HEPHL1: variants seen among roughly 807,000 people sequenced by gnomAD.
HEPHL1 encodes hephaestin like 1.
Under a neutral mutation model 122.0 loss-of-function variants are expected in HEPHL1, and 123 were observed. That is an observed-to-expected ratio of 1.01 (90% CI 0.87 to 1.17). The LOEUF is 1.17. HEPHL1 is among the 50% of genes most tolerant of loss of function. The pLI is 0.00. For missense variants in HEPHL1, 1,452 were observed against 1,430.5 expected (o/e 1.01, Z -0.24); for synonymous variants, 527 against 508.9 (o/e 1.04, Z -0.48).
intron 16 of HEPHL1, among the ~76,000 whole-genome samples, chr11:94,105,016 A>C (rs1390132651): frequency 1.3e-5 from 2 of 152,236 alleles, no homozygotes; most frequent in Admixed American, 6.5e-5. Flanking sequence ...CTGTAAAGTA[A>C]TTCTTTAAAA....
At chr11:94,067,370 A>G (rs1325223576) in intron 4 of HEPHL1, 126 bp from the exon 5 acceptor site, 6 of 862,760 alleles carry the variant, frequency 7.0e-6, no homozygotes, top group Non-Finnish European at 1.1e-5. Context: ...GTTTTTCTGC[A>G]CCAAAACCTT....
intron 13 of HEPHL1, among the ~76,000 whole-genome samples, chr11:94,094,442 A>T (rs1802270398): frequency 6.6e-6 from 1 of 152,206 alleles, no homozygotes; most frequent in South Asian, 2.1e-4. Flanking sequence ...TATTGTGAAT[A>T]GTGCCACAAT....
chr11:94,046,877 A>G lies in HEPHL1; in HGVS notation c.415+960A>G, dbSNP rs537545091. Among the ~76,000 whole-genome samples the G allele has an allele frequency of 1.2e-3, 177 of 152,290 alleles. 2 individuals carry two copies. Among genetic ancestry groups the G allele is most frequent in the Middle Eastern group, 6.8e-3 (2 of 294 alleles). On this transcript the variant is annotated intron_variant, in intron 2 of 19. Transcript: ENST00000315765. Reference sequence around the variant, plus strand: ...TAGGTTGAAAGGTGCTGTACCTGCTAGGTGACTGCTTCTAGGAAATGTGCC... The same window carrying G: ...TAGGTTGAAAGGTGCTGTACCTGCTGGGTGACTGCTTCTAGGAAATGTGCC...
In HEPHL1 at chr11:94,093,578, C is replaced by A; in HGVS notation, c.2372C>A (p.Thr791Lys). The change falls in exon 13 of 20, where the codon ACG (threonine) becomes AAG (lysine). Residue 791 changes from threonine (T) to lysine (K), a missense_variant. Physicochemically the swap from Thr to Lys is moderately conservative, Grantham distance 78 (BLOSUM62 -1). Coordinates refer to ENST00000315765, the MANE Select transcript of HEPHL1 (RefSeq NM_001098672.2). ...AAGAAGGTGGTTTACAGGGAATATA[C>A]GGATGGAGAATTTGTGGAGATCAAA... ...QYKKVVYREYTDGEFVEIKAR... is the reference protein window; with the variant it reads ...QYKKVVYREYKDGEFVEIKAR... The A allele has an allele frequency of 6.2e-7, 1 of 1,613,610 alleles. No individual in the cohort carries two copies. The highest frequency in any genetic ancestry group is 8.5e-7 in the Non-Finnish European group (1 of 1,179,802).
chr11:94,080,627 A>G (rs1946163181), intron 9 of HEPHL1, among the ~76,000 whole-genome samples: 2 of 152,216 alleles, frequency 1.3e-5, no homozygotes, highest in Non-Finnish European at 2.9e-5. Flanking sequence ...AAAAGTGGGC[A>G]AAAGACGTGA....
intron 12 of HEPHL1, among the ~76,000 whole-genome samples, chr11:94,089,356 A>C (rs1355219351): frequency 6.6e-6 from 1 of 152,190 alleles, no homozygotes; most frequent in African/African-American, 2.4e-5. Flanking sequence ...GCAGGACCTC[A>C]GGAAAGGTTG....
At chr11:94,093,116 G>A (rs912868375) in intron 12 of HEPHL1, among the ~76,000 whole-genome samples, 1 of 151,968 alleles carries the variant, frequency 6.6e-6, no homozygotes, top group African/African-American at 2.4e-5. Context: ...GTGTGTGTGT[G>A]TGTGTGTGTG....
At chr11:94,095,810 G>T (rs1946306906) in intron 13 of HEPHL1, among the ~76,000 whole-genome samples, 1 of 151,516 alleles carries the variant, frequency 6.6e-6, no homozygotes, top group South Asian at 2.1e-4. Context: ...TCATGATTTA[G>T]CTCTCTGTTT....
chr11:94,063,032 C>CA (rs1210090941), intron 2 of HEPHL1, among the ~76,000 whole-genome samples: 1 of 152,180 alleles, frequency 6.6e-6, no homozygotes, highest in African/African-American at 2.4e-5. Flanking sequence ...ATATGATCCC[C>CA]AGAGGCAGGA....
At chr11:94,084,335 T>TC (rs1159957874) in intron 10 of HEPHL1, among the ~76,000 whole-genome samples, 1 of 108,766 alleles carries the variant, frequency 9.2e-6, no homozygotes, top group Non-Finnish European at 1.8e-5. Context: ...CCTCTCTCTG[T>TC]TTAAATAAAT....
intron 1 of HEPHL1, among the ~76,000 whole-genome samples, chr11:94,027,453 C>T (rs150805231): frequency 6.6e-6 from 1 of 152,294 alleles, no homozygotes; most frequent in East Asian, 1.9e-4. Flanking sequence ...AGAGCAGGAG[C>T]CCTGGGGGAA....
intron 13 of HEPHL1, among the ~76,000 whole-genome samples, chr11:94,097,360 G>C (rs548609344): frequency 2.0e-5 from 3 of 152,190 alleles, no homozygotes; most frequent in Non-Finnish European, 2.9e-5. Context: ...GTTCTAGTTT[G>C]ATTGCACTGT....
chr11:94,068,261 A>G (rs1372100969), intron 5 of HEPHL1, among the ~76,000 whole-genome samples: 1 of 152,212 alleles, frequency 6.6e-6, no homozygotes, highest in Non-Finnish European at 1.5e-5. Context: ...ATAAGGTTTT[A>G]GCACTGGAAA....
chr11:94,053,100 A>C (rs1212564552), intron 2 of HEPHL1, among the ~76,000 whole-genome samples: 1 of 151,958 alleles, frequency 6.6e-6, no homozygotes, highest in Non-Finnish European at 1.5e-5. Context: ...CTGGACCTGA[A>C]TTTACTTTCA....
chr11:94,090,516 G>A (rs1000213034), intron 12 of HEPHL1, among the ~76,000 whole-genome samples: 2 of 152,136 alleles, frequency 1.3e-5, no homozygotes, highest in African/African-American at 4.8e-5. Context: ...ATGTGCTGGT[G>A]GGGAAGGGGG....
chr11:94,030,819 C>A (rs1293059441), intron 1 of HEPHL1, among the ~76,000 whole-genome samples: 1 of 152,176 alleles, frequency 6.6e-6, no homozygotes, highest in African/African-American at 2.4e-5. Context: ...AGGGCTAACT[C>A]TTGCTCCTGG....
Position 94,073,240 on chromosome 11 carries a change from C to T in HEPHL1, c.1373-68C>T. 3 of 1,605,140 alleles carry T rather than the reference C, an allele frequency of 1.9e-6. No individual in the cohort carries two copies. In the South Asian group the frequency reaches 3.3e-5, roughly 18 times the overall value. ...GGGCATGTACATCTGCACAGAATGACTCTTCTGCTTTACTTCTTTCTGTCT... is the reference window on the plus strand; with the variant it reads ...GGGCATGTACATCTGCACAGAATGATTCTTCTGCTTTACTTCTTTCTGTCT... On this transcript the variant is annotated intron_variant, in intron 7 of 19. Transcript: ENST00000315765.
intron 2 of HEPHL1, among the ~76,000 whole-genome samples, chr11:94,063,011 C>G (rs1035091777): frequency 1.3e-5 from 2 of 152,062 alleles, no homozygotes; most frequent in Non-Finnish European, 2.9e-5. Context: ...TCTAGTCTGC[C>G]CAACAGAACT....
At chr11:94,028,432 T>C (rs1945645163) in intron 1 of HEPHL1, among the ~76,000 whole-genome samples, 1 of 152,220 alleles carries the variant, frequency 6.6e-6, no homozygotes, top group African/African-American at 2.4e-5. Context: ...TCCAACTCTG[T>C]ACTGTGTAGG....
Sources: allele counts gnomAD v4.1 joint callset (sites outside exome capture counted in the v4.1 genomes callset), GRCh38; gene constraint gnomAD v4.1.1; transcripts MANE v1.5; gene names NCBI Gene and HGNC (gene_info 2026-07-23, HGNC 2026-07-21).